The following IP6K1 variants were observed in gnomAD, a reference collection of about 807,000 sequenced individuals.
The protein encoded by IP6K1 is inositol hexakisphosphate kinase 1.
In IP6K1, 13 loss-of-function variants were observed where a neutral mutation model predicts 38.3. The observed-to-expected ratio is 0.34, with a 90% confidence interval of 0.22 to 0.54. IP6K1 has a LOEUF of 0.54. Ranked by LOEUF, IP6K1 falls within the 20% of genes least tolerant of loss-of-function variation. IP6K1 has a pLI of 0.92. For synonymous variants in IP6K1, 212 were observed against 229.9 expected, an observed-to-expected ratio of 0.92 and a Z score of 0.70; for missense variants, 397 against 599.8, an observed-to-expected ratio of 0.66 and a Z score of 3.53.
intron 1 of IP6K1, among the ~76,000 whole-genome samples, chr3:49,763,721 A>G (rs1174468327): frequency 6.6e-6 from 1 of 152,192 alleles, no homozygotes; most frequent in African/African-American, 2.4e-5. Flanking sequence ...TTCATAATTA[A>G]AAACTCTCAA....
At position 49,728,279 on chromosome 3, in the gene IP6K1, C is replaced by G; in HGVS notation, c.617-1G>C. ...ACCACGTTCTCAAGCAGGAGGAACT[C>G]TGGGCCACGGTCAAGGAGAATGACA... On this transcript the variant is annotated splice_acceptor_variant, in intron 4 of 5. Transcript: ENST00000321599. LOFTEE classifies it high-confidence loss of function. 1 of 1,612,056 alleles carries G rather than the reference C, an allele frequency of 6.2e-7. No homozygotes were observed. Among genetic ancestry groups the G allele is most frequent in the Non-Finnish European group, 8.5e-7 (1 of 1,178,278 alleles).
In IP6K1 at chr3:49,727,331, C is replaced by T. The variant is rs1183988094; in HGVS notation, c.1117G>A (p.Gly373Ser). ...GTGTTGCTGGGGCTGGTGCTGGGGC[C>T]ACAGGATGACGCCACCTCAGGGAGC... The part of the protein sequence containing the change: ...MVLPEVASSC[G>S]PSTSPSNTSP... The change falls in exon 6 of 6, where the codon GGC becomes AGC. Residue 373 changes from glycine to serine, a missense_variant. This residue lies in a region of IP6K1 where 164 missense variants were observed against 213.5 expected (regional missense o/e 0.77). Transcript: ENST00000321599. The surrounding 1 kb of genome is among the most constrained non-coding windows in gnomAD (Gnocchi z 5.9). The T allele has an allele frequency of 1.2e-6, 2 of 1,614,086 alleles. No homozygotes were observed. The highest frequency in any genetic ancestry group is 2.2e-5 in the South Asian group (2 of 91,080).
chr3:49,777,787 C>T (rs1330183572), intron 1 of IP6K1, among the ~76,000 whole-genome samples: 8 of 145,652 alleles, frequency 5.5e-5, no homozygotes, highest in Non-Finnish European at 1.2e-4. Context: ...TGGTGGCAGG[C>T]GCCTGTAGTC....
intron 1 of IP6K1, among the ~76,000 whole-genome samples, chr3:49,768,146 G>C (rs1373832200): frequency 1.3e-5 from 2 of 152,132 alleles, no homozygotes; most frequent in East Asian, 3.9e-4. Flanking sequence ...TCCTCAAAAA[G>C]TTAAACATAG....
At chr3:49,783,427 T>G (rs1462009003) in intron 1 of IP6K1, among the ~76,000 whole-genome samples, 2 of 151,014 alleles carry the variant, frequency 1.3e-5, no homozygotes, top group Non-Finnish European at 2.9e-5. Context: ...AAAGCTAATA[T>G]TTTTGCTGGG....
At chr3:49,745,582 T>C (rs1469599108) in intron 2 of IP6K1, among the ~76,000 whole-genome samples, 1 of 152,132 alleles carries the variant, frequency 6.6e-6, no homozygotes, top group Non-Finnish European at 1.5e-5. Flanking sequence ...TAGCCAGGCA[T>C]GGTGGCACAT....
At chr3:49,757,501 ATC>A (rs1367818880) in intron 1 of IP6K1, among the ~76,000 whole-genome samples, 1 of 152,078 alleles carries the variant, frequency 6.6e-6, no homozygotes, top group Non-Finnish European at 1.5e-5. Context: ...AGATGTGTGG[ATC>A]GCCTGAGCTC....
At chr3:49,730,479 C>T (rs1003377579) in intron 4 of IP6K1, among the ~76,000 whole-genome samples, 1 of 152,226 alleles carries the variant, frequency 6.6e-6, no homozygotes, top group African/African-American at 2.4e-5. Flanking sequence ...GGTAGCACTA[C>T]TACAAAAACA....
intron 1 of IP6K1, among the ~76,000 whole-genome samples, chr3:49,780,306 T>TTACACACACACACA (rs1553697549): frequency 5.5e-4 from 6 of 10,852 alleles, no homozygotes; most frequent in African/African-American, 1.4e-3. Context: ...TTATCATCTT[T>TTACACACACACACA]CATACACACA....
intron 1 of IP6K1, among the ~76,000 whole-genome samples, chr3:49,758,938 C>T (rs1027434338): frequency 3.0e-5 from 4 of 133,248 alleles, no homozygotes; most frequent in African/African-American, 1.1e-4. Context: ...CAGAGCGAGA[C>T]TCTGTCTCAA....
At chr3:49,729,155 A>C (rs1028392937) in intron 4 of IP6K1, among the ~76,000 whole-genome samples, 2 of 151,994 alleles carry the variant, frequency 1.3e-5, no homozygotes, top group Non-Finnish European at 2.9e-5. Context: ...TTCTGTCTCT[A>C]TACATTTACC....
chr3:49,766,641 G>A (rs566108892), intron 1 of IP6K1, among the ~76,000 whole-genome samples: 12 of 150,106 alleles, frequency 8.0e-5, no homozygotes, highest in African/African-American at 2.9e-4. Context: ...TCCAGCCTGG[G>A]TGACAGAACG....
At position 49,738,302 on chromosome 3, in the gene IP6K1, C is replaced by T. The variant is rs757004314; in HGVS notation, c.344G>A (p.Arg115His). ...GTGCAGGCTCCGGCGGGAGTGTTTGCGCCGAGGTTGCTCCCGTTCTGTTGT... is the reference window on the plus strand; with the variant it reads ...GTGCAGGCTCCGGCGGGAGTGTTTGTGCCGAGGTTGCTCCCGTTCTGTTGT... ...DDTTEREQPR[R>H]KHSRRSLHRS... Residue 115 changes from arginine (R) to histidine (H), a missense_variant, in exon 3 of 6, where the codon CGC becomes CAC. This residue lies in a region of IP6K1 where 171 missense variants were observed against 237.0 expected (regional missense o/e 0.72). Coordinates refer to ENST00000321599, the MANE Select transcript of IP6K1 (RefSeq NM_153273.4). The T allele has an allele frequency of 5.0e-6, 8 of 1,614,100 alleles. No homozygotes were observed. Among genetic ancestry groups the T allele is most frequent in the South Asian group, 1.1e-5 (1 of 91,088 alleles).
intron 1 of IP6K1, among the ~76,000 whole-genome samples, chr3:49,748,486 G>A (rs570089640): frequency 1.3e-5 from 2 of 152,200 alleles, no homozygotes; most frequent in East Asian, 3.9e-4. Flanking sequence ...CACCTATCCC[G>A]GTTTACTTCA....
chr3:49,764,775 A>AG (rs2080896256), intron 1 of IP6K1, among the ~76,000 whole-genome samples: 1 of 151,906 alleles, frequency 6.6e-6, no homozygotes, highest in South Asian at 2.1e-4. Context: ...GCCACTAGGA[A>AG]GGCTGAGGCA....
chr3:49,768,284 G>A (rs527377886), intron 1 of IP6K1, among the ~76,000 whole-genome samples: 7 of 152,186 alleles, frequency 4.6e-5, no homozygotes, highest in African/African-American at 1.2e-4. Context: ...TGGTGTCTAC[G>A]ACCCATGTCC....
At chr3:49,775,378 A>T in intron 1 of IP6K1, 1 of 356,948 alleles carries the variant, frequency 2.8e-6, no homozygotes, top group East Asian at 5.8e-5. Context: ...CAAGTGTGTG[A>T]TTTGTGACTT....
At chr3:49,782,187 T>C (rs2081071410) in intron 1 of IP6K1, among the ~76,000 whole-genome samples, 1 of 152,148 alleles carries the variant, frequency 6.6e-6, no homozygotes, top group East Asian at 1.9e-4. Context: ...CTTTTTTTTT[T>C]TGAGACGGAG....
Position 49,748,182 on chromosome 3 carries a change from G to A in IP6K1, c.-128-14C>T. 1.2e-6 allele frequency: 1 copy of A among 846,424 alleles called. No individual in the cohort carries two copies. Among genetic ancestry groups the A allele is most frequent in the Non-Finnish European group, 1.8e-6 (1 of 541,526 alleles). The allele number at this position is 846,424 out of a possible 1,614,324, so 52.4% of individuals were successfully genotyped here. A position where few individuals can be genotyped will look rare whatever the true frequency, so the allele number is the denominator to read the frequency against. ...TATTATTCTGTCCTACAGAAAAGAA[G>A]AGAGGAAGAAGGAATCAAAACACTG... On this transcript the variant is annotated splice_polypyrimidine_tract_variant and intron_variant, in intron 1 of 5. Coordinates refer to ENST00000321599, the MANE Select transcript of IP6K1 (RefSeq NM_153273.4).
Sources: allele counts gnomAD v4.1 joint callset (sites outside exome capture counted in the v4.1 genomes callset), GRCh38; gene constraint gnomAD v4.1.1; regional missense constraint gnomAD v4.1.1; non-coding constraint Gnocchi (gnomAD v3.1); transcripts MANE v1.5; gene names NCBI Gene and HGNC (gene_info 2026-07-23, HGNC 2026-07-21).